FRYL: variants seen among roughly 807,000 people sequenced by gnomAD.
FRYL encodes protein furry homolog-like.
Under a neutral mutation model 351.2 loss-of-function variants are expected in FRYL, and 150 were observed. The observed-to-expected ratio is 0.43, with a 90% confidence interval of 0.37 to 0.49. The LOEUF (loss-of-function observed/expected upper bound fraction) is 0.49, where lower values mean the gene tolerates loss of function less well. Ranked by LOEUF, FRYL falls within the 20% of genes least tolerant of loss-of-function variation. The pLI is 0.00. For synonymous variants in FRYL, 1,153 were observed against 1,257.1 expected (o/e 0.92, Z 1.75); for missense variants, 3,036 against 3,619.3 (o/e 0.84, Z 4.13).
chr4:48,619,658 C>T (rs1750257093), intron 6 of FRYL, among the ~76,000 whole-genome samples: 1 of 152,040 alleles, frequency 6.6e-6, no homozygotes, highest in Non-Finnish European at 1.5e-5. Flanking sequence ...GCAAGCGCCA[C>T]CATGCCCAGC....
chr4:48,533,396 GT>G (rs970371375), intron 49 of FRYL, among the ~76,000 whole-genome samples: 5 of 151,824 alleles, frequency 3.3e-5, no homozygotes, highest in African/African-American at 1.2e-4. Flanking sequence ...AAAATCTCCC[GT>G]TTTTTTGATA....
chr4:48,776,676 G>A (rs1049489761), intron 1 of FRYL, among the ~76,000 whole-genome samples: 7 of 152,128 alleles, frequency 4.6e-5, no homozygotes, highest in Non-Finnish European at 1.0e-4. Context: ...TTGCAGACAA[G>A]GTGACATCTG....
At chr4:48,754,096 A>G (rs944676340) in intron 1 of FRYL, among the ~76,000 whole-genome samples, 4 of 152,236 alleles carry the variant, frequency 2.6e-5, no homozygotes, top group African/African-American at 4.8e-5. Flanking sequence ...TACATGCATT[A>G]TATTTTACAA....
At chr4:48,657,251 G>C (rs1245876796) in intron 3 of FRYL, among the ~76,000 whole-genome samples, 1 of 151,912 alleles carries the variant, frequency 6.6e-6, no homozygotes, top group Non-Finnish European at 1.5e-5. Context: ...GTTCACTGCA[G>C]CCTCAAACTC....
At chr4:48,632,548 AAT>A (rs1242721160) in intron 4 of FRYL, among the ~76,000 whole-genome samples, 1 of 150,570 alleles carries the variant, frequency 6.6e-6, no homozygotes, top group Non-Finnish European at 1.5e-5. Flanking sequence ...TTATATTAAT[AAT>A]ATATATGCTG....
chr4:48,773,186 C>A (rs1225731903), intron 1 of FRYL, among the ~76,000 whole-genome samples: 4 of 152,144 alleles, frequency 2.6e-5, no homozygotes, highest in Non-Finnish European at 5.9e-5. Flanking sequence ...CACTACTTAG[C>A]AAGTAGTCAA....
At chr4:48,652,645 T>G (rs868095454) in intron 3 of FRYL, among the ~76,000 whole-genome samples, 5 of 152,324 alleles carry the variant, frequency 3.3e-5, no homozygotes, top group South Asian at 4.1e-4. Flanking sequence ...TTTACAAACC[T>G]CCTCAAACCA....
rs78730779 is a variant in FRYL at position 48,771,635 on chromosome 4, C to A, written c.-384+8443G>T. Among the ~76,000 whole-genome samples, 1,209 of 152,242 alleles carry A rather than the reference C, an allele frequency of 7.9e-3. 31 individuals carry two copies. Among genetic ancestry groups the A allele is most frequent in the Admixed American group, 0.051 (773 of 15,268 alleles). ...ATCTACCATCCTGTTATACCATCCT[C>A]GGCTATCCAGAAGCATCACTTAGCC... On this transcript the variant is annotated intron_variant, in intron 1 of 63. Coordinates refer to ENST00000358350, the MANE Select transcript of FRYL (RefSeq NM_015030.2).
intron 3 of FRYL, chr4:48,637,079 G>GTT (rs1181681897): frequency 6.6e-6 from 1 of 152,052 alleles, no homozygotes; most frequent in Admixed American, 6.6e-5. Context: ...TAAACACACA[G>GTT]TTAATCACTT....
chr4:48,645,509 T>C (rs769194368), intron 3 of FRYL, among the ~76,000 whole-genome samples: 2 of 152,168 alleles, frequency 1.3e-5, no homozygotes, highest in Non-Finnish European at 2.9e-5. Flanking sequence ...TCATATTCTT[T>C]ATGATGATTC....
At chr4:48,511,187 T>C (rs1392057279) in intron 57 of FRYL, among the ~76,000 whole-genome samples, 1 of 152,198 alleles carries the variant, frequency 6.6e-6, no homozygotes, top group East Asian at 1.9e-4. Flanking sequence ...ATTTACAAAA[T>C]AGTATTACTG....
chr4:48,638,525 C>T (rs1400112886), intron 3 of FRYL: 3 of 152,154 alleles, frequency 2.0e-5, no homozygotes, highest in Non-Finnish European at 2.9e-5. Context: ...TAAATTAGTT[C>T]AACCATTGTG....
At chr4:48,612,366 G>A (rs73817827) in intron 7 of FRYL, among the ~76,000 whole-genome samples, 4,423 of 152,240 alleles carry the variant, frequency 0.029, 75 homozygotes, top group Admixed American at 0.047. Flanking sequence ...AGCCCCAGGC[G>A]CTAAATCCAA....
At position 48,546,061 on chromosome 4, in the gene FRYL, T is replaced by C. The variant is rs754139690; in HGVS notation, c.5279+6A>G. The stretch of plus-strand genomic sequence containing the variant: ...CTGCTGGGATGATAAGAGCTGCCAG[T>C]GTTACCTTGAGGTAATGAATTCCAT... On this transcript the variant is annotated splice_donor_region_variant and intron_variant, in intron 42 of 63. Coordinates refer to ENST00000358350, the MANE Select transcript of FRYL (RefSeq NM_015030.2). 4.5e-5 allele frequency: 73 copies of C among 1,610,322 alleles called. No individual in the cohort carries two copies. The highest frequency in any genetic ancestry group is 4.5e-5 in the Non-Finnish European group (53 of 1,177,840).
At chr4:48,702,132 G>A (rs10938539) in intron 2 of FRYL, among the ~76,000 whole-genome samples, 149,742 of 152,198 alleles carry the variant, frequency 0.98, 73,698 homozygotes, top group East Asian at 1. Flanking sequence ...ACAATTCAAC[G>A]TATATCTACT....
chr4:48,700,522 G>C (rs1437983122), intron 2 of FRYL, among the ~76,000 whole-genome samples: 1 of 152,098 alleles, frequency 6.6e-6, no homozygotes, highest in Non-Finnish European at 1.5e-5. Flanking sequence ...GTAACTTTCA[G>C]CTAGACACAG....
At chr4:48,552,981 G>GGT (rs1410008219) in intron 36 of FRYL, among the ~76,000 whole-genome samples, 1 of 151,894 alleles carries the variant, frequency 6.6e-6, no homozygotes, top group Non-Finnish European at 1.5e-5. Flanking sequence ...CATACATATA[G>GGT]GTGTGTATAT....
chr4:48,569,541 G>A (rs1232742963), intron 27 of FRYL, among the ~76,000 whole-genome samples: 1 of 152,040 alleles, frequency 6.6e-6, no homozygotes, highest in Non-Finnish European at 1.5e-5. Flanking sequence ...CAGGTGATCC[G>A]CCCTCCTTGG....
chr4:48,554,256 G>A (rs529296316), intron 35 of FRYL, among the ~76,000 whole-genome samples: 13 of 152,082 alleles, frequency 8.5e-5, no homozygotes, highest in South Asian at 2.1e-4. Flanking sequence ...AGAATGATTC[G>A]TATTTTTACA....
Sources: allele counts gnomAD v4.1 joint callset (sites outside exome capture counted in the v4.1 genomes callset), GRCh38; gene constraint gnomAD v4.1.1; transcripts MANE v1.5; gene names NCBI Gene and HGNC (gene_info 2026-07-23, HGNC 2026-07-21).